ARHGAP18: variants seen among roughly 807,000 people sequenced by gnomAD.
ARHGAP18 encodes rho GTPase-activating protein 18.
ARHGAP18 carries 67 observed loss-of-function variants against 86.2 expected under a neutral mutation model. The observed-to-expected ratio is 0.78, with a 90% CI of 0.64 to 0.95. The LOEUF (loss-of-function observed/expected upper bound fraction) is 0.95. ARHGAP18 is among the 40% of genes least tolerant of loss of function. ARHGAP18 has a pLI of 0.00. For missense variants in ARHGAP18, 691 were observed against 780.4 expected (o/e 0.89, Z 1.37); for synonymous variants, 283 against 280.4 (o/e 1.01, Z -0.09).
intron 2 of ARHGAP18, among the ~76,000 whole-genome samples, chr6:129,638,986 A>G (rs1773390979): frequency 6.6e-6 from 1 of 152,220 alleles, no homozygotes; most frequent in Non-Finnish European, 1.5e-5. Flanking sequence ...CTGGGGCTAT[A>G]TATTAAGCCC....
intron 8 of ARHGAP18, among the ~76,000 whole-genome samples, 199 bp from the exon 9 acceptor site, chr6:129,608,251 AC>A (rs1174628673): frequency 6.6e-6 from 1 of 152,030 alleles, no homozygotes; most frequent in Non-Finnish European, 1.5e-5. Context: ...TACTTTACCA[AC>A]AAAAAACTGT....
intron 3 of ARHGAP18, among the ~76,000 whole-genome samples, chr6:129,634,660 G>A (rs1773294080): frequency 6.6e-6 from 1 of 152,014 alleles, no homozygotes; most frequent in South Asian, 2.1e-4. Flanking sequence ...TAAGAGTAGG[G>A]AGGGAAAGAT....
At chr6:129,597,530 G>A (rs1788638640) in intron 12 of ARHGAP18, among the ~76,000 whole-genome samples, 2 of 152,048 alleles carry the variant, frequency 1.3e-5, no homozygotes, top group South Asian at 4.1e-4. Context: ...CTTACTTCCT[G>A]TTTTGTAGAT....
rs540656005 is a variant in ARHGAP18, at chr6:129,677,767, C to T, written c.113+32257G>A. ...TTGGCTCTTTCCCACACATCCCCAA[C>T]CCTCTTGTCTTTTATTATAGCAACA... On this transcript the variant is annotated intron_variant, in intron 1 of 14. Coordinates refer to ENST00000368149, the MANE Select transcript of ARHGAP18 (RefSeq NM_033515.3). 7.9e-4 allele frequency among the ~76,000 whole-genome samples: 121 copies of T among 152,342 alleles called. 1 individual carries two copies. Among genetic ancestry groups the T allele is most frequent in the Admixed American group, 1.2e-3 (19 of 15,296 alleles).
intron 1 of ARHGAP18, among the ~76,000 whole-genome samples, chr6:129,685,462 A>G (rs1346563676): frequency 6.6e-6 from 1 of 152,082 alleles, no homozygotes. Context: ...AGCTGAGATC[A>G]CACCACTGCA....
intron 12 of ARHGAP18, among the ~76,000 whole-genome samples, chr6:129,591,539 C>G (rs988623952): frequency 1.4e-4 from 21 of 152,144 alleles, no homozygotes; most frequent in Non-Finnish European, 1.3e-4. Flanking sequence ...ACATGTTTTA[C>G]ATATTGAACT....
chr6:129,587,117 T>C (rs1380808005), intron 12 of ARHGAP18, among the ~76,000 whole-genome samples: 1 of 152,166 alleles, frequency 6.6e-6, no homozygotes, highest in African/African-American at 2.4e-5. Context: ...TTACTAACAA[T>C]GATAACATAA....
At chr6:129,650,398 C>T (rs530808726) in intron 1 of ARHGAP18, among the ~76,000 whole-genome samples, 10 of 152,126 alleles carry the variant, frequency 6.6e-5, no homozygotes, top group Non-Finnish European at 1.5e-4. Context: ...GGAACATATA[C>T]GGGAAAATAG....
At chr6:129,624,606 A>C (rs886486574) in intron 5 of ARHGAP18, among the ~76,000 whole-genome samples, 2 of 151,954 alleles carry the variant, frequency 1.3e-5, no homozygotes, top group Admixed American at 1.3e-4. Flanking sequence ...CCACACTTGC[A>C]TACTCTTTTA....
At chr6:129,637,935 G>A (rs1773367792) in intron 3 of ARHGAP18, among the ~76,000 whole-genome samples, 1 of 152,176 alleles carries the variant, frequency 6.6e-6, no homozygotes, top group African/African-American at 2.4e-5. Flanking sequence ...CAAAGTTCCT[G>A]CTTTGTAATT....
chr6:129,645,688 T>C (rs1773563995), intron 1 of ARHGAP18, among the ~76,000 whole-genome samples: 1 of 152,184 alleles, frequency 6.6e-6, no homozygotes, highest in Non-Finnish European at 1.5e-5. Context: ...CCAGAGTTGC[T>C]CTATAAAGAA....
rs1773475854 is a variant in ARHGAP18 at position 129,641,939 on chromosome 6, T to C, written c.193A>G (p.Ile65Val). ...VMEKPPFDRSISQDSLDELSM... is the reference protein window; with the variant it reads ...VMEKPPFDRSVSQDSLDELSM... The stretch of plus-strand genomic sequence containing the variant: ...AGTTCATCCAAAGAATCCTGGGAAA[T>C]TGATCGATCAAATGGAGGCTTCTCC... The change falls in exon 2 of 15, where the codon ATT (isoleucine) becomes GTT (valine). Residue 65 changes from isoleucine to valine, a missense_variant. Coordinates refer to ENST00000368149, the MANE Select transcript of ARHGAP18 (RefSeq NM_033515.3). 10 of 1,613,890 alleles carry C rather than the reference T, an allele frequency of 6.2e-6. No individual in the cohort carries two copies. Among genetic ancestry groups the C allele is most frequent in the East Asian group, 2.2e-5 (1 of 44,862 alleles).
chr6:129,690,141 G>GTGTGTGTA (rs1211157455), intron 1 of ARHGAP18, among the ~76,000 whole-genome samples: 1 of 151,910 alleles, frequency 6.6e-6, no homozygotes, highest in Non-Finnish European at 1.5e-5. Context: ...GTGTGTGTGT[G>GTGTGTGTA]TGTATGTGGT....
In ARHGAP18 at chr6:129,588,121, C is replaced by CTT. The variant is rs398066269; in HGVS notation, c.1714-4011_1714-4010dup. On this transcript the variant is annotated intron_variant, in intron 12 of 14. Transcript: ENST00000368149. Reference sequence around the variant, plus strand: ...AAATCCAACAGGGAAGTCACCAAATCTTTTTTTTTTTTTTGCAATGGAGTC... The same window carrying CTT: ...AAATCCAACAGGGAAGTCACCAAATCTTTTTTTTTTTTTTTTGCAATGGAGTC... 3.2e-3 allele frequency among the ~76,000 whole-genome samples: 451 copies of CTT among 142,578 alleles called. 5 individuals carry two copies. Among genetic ancestry groups the CTT allele is most frequent in the Admixed American group, 3.8e-3 (55 of 14,310 alleles). 93.5% of individuals were successfully genotyped at this position (142,578 alleles called of 152,430 possible). A position where few individuals can be genotyped will look rare whatever the true frequency, so the allele number is the denominator to read the frequency against.
At chr6:129,673,909 G>T (rs1474529356) in intron 1 of ARHGAP18, among the ~76,000 whole-genome samples, 3 of 152,060 alleles carry the variant, frequency 2.0e-5, no homozygotes, top group Non-Finnish European at 4.4e-5. Flanking sequence ...AGTTTCAAAA[G>T]TACTGGCTCA....
chr6:129,612,938 A>C (rs1167775776), intron 7 of ARHGAP18, among the ~76,000 whole-genome samples: 1 of 152,190 alleles, frequency 6.6e-6, no homozygotes, highest in East Asian at 1.9e-4. Context: ...ATTTTTAAAA[A>C]TTCATCTGGA....
chr6:129,599,727 C>T (rs1788698428), intron 11 of ARHGAP18, among the ~76,000 whole-genome samples: 1 of 152,154 alleles, frequency 6.6e-6, no homozygotes, highest in Non-Finnish European at 1.5e-5. Context: ...TACAGCCCTG[C>T]TAGCTAACCT....
chr6:129,583,346 T>C (rs1788326237), intron 13 of ARHGAP18, among the ~76,000 whole-genome samples: 1 of 152,118 alleles, frequency 6.6e-6, no homozygotes, highest in African/African-American at 2.4e-5. Context: ...AAGAAGACAC[T>C]GCAAAGTGTT....
chr6:129,709,844 A>G (rs958174560), intron 1 of ARHGAP18, among the ~76,000 whole-genome samples, 180 bp downstream of exon 1: 4 of 152,214 alleles, frequency 2.6e-5, no homozygotes, highest in Non-Finnish European at 5.9e-5. Context: ...GTTATTTCAG[A>G]CTTGGACTAG....
Sources: gnomAD v4.1 joint callset for allele counts (sites outside exome capture counted in the v4.1 genomes callset) on GRCh38, gnomAD v4.1.1 for gene constraint, MANE v1.5 for transcripts, NCBI Gene and HGNC (gene_info 2026-07-23, HGNC 2026-07-21) for gene names.